Variants in WNK1 observed in about 807,000 individuals in gnomAD.
The protein encoded by WNK1 is WNK lysine deficient protein kinase 1, also known as serine/threonine-protein kinase WNK1.
A neutral mutation model predicts 222.8 loss-of-function variants in WNK1; 38 were observed. That is an observed-to-expected ratio of 0.17 (90% CI 0.13 to 0.22). The LOEUF is 0.22. Among genes scored for constraint, WNK1 ranks in the 10% least tolerant of loss-of-function variants. The pLI is 1.00. For missense variants in WNK1, 2,348 were observed against 2,918.4 expected, an observed-to-expected ratio of 0.80 and a Z score of 4.50; for synonymous variants, 1,090 against 1,092.9, an observed-to-expected ratio of 1.00 and a Z score of 0.05.
intron 4 of WNK1, among the ~76,000 whole-genome samples, chr12:848,469 G>T (rs1950184486): frequency 1.4e-5 from 2 of 147,820 alleles, no homozygotes; most frequent in African/African-American, 2.5e-5. Flanking sequence ...ACAATGACTT[G>T]TGAGGCAGCA....
chr12:804,935 AATATT>A (rs1019330508), intron 1 of WNK1, among the ~76,000 whole-genome samples: 10 of 42,056 alleles, frequency 2.4e-4, no homozygotes, highest in African/African-American at 3.4e-4. Flanking sequence ...ATATTTTATA[AATATT>A]ATATATATAT....
At chr12:806,558 T>C (rs1781252190) in intron 1 of WNK1, among the ~76,000 whole-genome samples, 1 of 152,188 alleles carries the variant, frequency 6.6e-6, no homozygotes, top group South Asian at 2.1e-4. Context: ...GGGGAATATC[T>C]TTATCTAAAG....
At chr12:772,383 G>C (rs968620075) in intron 1 of WNK1, among the ~76,000 whole-genome samples, 4 of 151,776 alleles carry the variant, frequency 2.6e-5, no homozygotes, top group Admixed American at 6.6e-5. Context: ...CAAAATATTT[G>C]TACACAGTAA....
At chr12:779,675 T>C (rs1294485411) in intron 1 of WNK1, among the ~76,000 whole-genome samples, 1 of 152,196 alleles carries the variant, frequency 6.6e-6, no homozygotes, top group East Asian at 1.9e-4. Context: ...GTGCTGGGAT[T>C]ACAGGCGTGA....
intron 4 of WNK1, among the ~76,000 whole-genome samples, chr12:844,241 C>T (rs1949849672): frequency 6.6e-6 from 1 of 151,896 alleles, no homozygotes; most frequent in African/African-American, 2.4e-5. Context: ...AAGTGATTCT[C>T]CCGCTTCAAC....
rs1237396011 is a variant in WNK1 at position 754,238 on chromosome 12, A to C, written c.673A>C (p.Ile225Leu). ...SNDGRFLKFD[I>L]EIGRGSFKTV... is the part of the protein sequence containing the mutation. ...CGATGGCCGCTTTCTCAAGTTTGAC[A>C]TCGAAATCGGCAGAGGCTCCTTTAA... The change falls in exon 1 of 28, where the codon ATC becomes CTC. Residue 225 changes from isoleucine to leucine, a missense_variant. Transcript: ENST00000315939. The C allele has an allele frequency of 6.2e-7, 1 of 1,613,774 alleles. No homozygotes were observed. The highest frequency in any genetic ancestry group is 8.5e-7 in the Non-Finnish European group (1 of 1,180,042).
At chr12:881,469 C>G in intron 12 of WNK1, 1 of 567,460 alleles carries the variant, frequency 1.8e-6, no homozygotes, top group Non-Finnish European at 3.2e-6. Context: ...GATATGTTGG[C>G]TGACCTCATA....
intron 1 of WNK1, among the ~76,000 whole-genome samples, chr12:803,198 A>G (rs538099726): frequency 6.6e-6 from 1 of 152,324 alleles, no homozygotes; most frequent in South Asian, 2.1e-4. Context: ...TGCTGATTTG[A>G]CAAGGAAATG....
intron 2 of WNK1, among the ~76,000 whole-genome samples, chr12:816,399 A>G (rs1472908726): frequency 6.6e-6 from 1 of 151,902 alleles, no homozygotes; most frequent in Non-Finnish European, 1.5e-5. Context: ...CCTCCCCACT[A>G]CCTGGGACTA....
chr12:886,318 G>A (rs959315200), intron 19 of WNK1, among the ~76,000 whole-genome samples: 8 of 151,978 alleles, frequency 5.3e-5, no homozygotes, highest in Non-Finnish European at 7.4e-5. Context: ...TTCCAAGATG[G>A]TATAATTATC....
chr12:778,704 A>G (rs1943380587), intron 1 of WNK1, among the ~76,000 whole-genome samples: 1 of 150,870 alleles, frequency 6.6e-6, no homozygotes. Flanking sequence ...GCTAACATTC[A>G]TTAGAGTTTA....
chr12:891,301 G>GAA (rs1954206741), intron 22 of WNK1, among the ~76,000 whole-genome samples: 1 of 152,140 alleles, frequency 6.6e-6, no homozygotes, highest in African/African-American at 2.4e-5. Flanking sequence ...ACCACACCTG[G>GAA]ATAATTTTGT....
intron 2 of WNK1, among the ~76,000 whole-genome samples, chr12:818,128 T>G (rs1649575807): frequency 6.6e-6 from 1 of 152,220 alleles, no homozygotes; most frequent in Non-Finnish European, 1.5e-5. Flanking sequence ...TTACTCAACA[T>G]TTTAATCACC....
chr12:883,106 T>A, intron 15 of WNK1, 47 bp downstream of exon 15: 1 of 1,312,750 alleles, frequency 7.6e-7, no homozygotes, highest in Non-Finnish European at 1.1e-6. Context: ...TACTTGATCT[T>A]AATAGCCATT....
chr12:908,107 T>G (rs1955855436), intron 27 of WNK1, 73 bp downstream of exon 27: 2 of 1,541,484 alleles, frequency 1.3e-6, no homozygotes, highest in African/African-American at 2.7e-5. Flanking sequence ...ACTAAGCTGC[T>G]GCTTAACGTC....
intron 22 of WNK1, among the ~76,000 whole-genome samples, chr12:892,740 G>A (rs375884373): frequency 9.2e-5 from 14 of 152,024 alleles, no homozygotes; most frequent in South Asian, 6.2e-4. Flanking sequence ...TTTAATGTCC[G>A]TAATGATAGA....
intron 1 of WNK1, among the ~76,000 whole-genome samples, chr12:772,399 A>C (rs954466835): frequency 1.4e-5 from 2 of 143,064 alleles, no homozygotes; most frequent in Non-Finnish European, 3.0e-5. Flanking sequence ...AGTAATCATA[A>C]TTGGGGTGTG....
intron 26 of WNK1, among the ~76,000 whole-genome samples, chr12:905,602 A>G (rs1037802485): frequency 6.6e-6 from 1 of 152,178 alleles, no homozygotes; most frequent in African/African-American, 2.4e-5. Context: ...CATCAAGCTC[A>G]CCAAGCAATA....
At chr12:898,601 C>T (rs1339274892) in intron 25 of WNK1, among the ~76,000 whole-genome samples, 1 of 152,118 alleles carries the variant, frequency 6.6e-6, no homozygotes, top group African/African-American at 2.4e-5. Context: ...CAGGGCCTCA[C>T]TCTGTTGCCC....
Sources: allele counts gnomAD v4.1 joint callset (sites outside exome capture counted in the v4.1 genomes callset), GRCh38; gene constraint gnomAD v4.1.1; transcripts MANE v1.5; gene names NCBI Gene and HGNC (gene_info 2026-07-23, HGNC 2026-07-21).